Variants in FAM174B observed in about 807,000 individuals in gnomAD.
FAM174B encodes membrane protein FAM174B.
FAM174B carries 12 observed loss-of-function variants against 10.9 expected under a neutral mutation model. That is an observed-to-expected ratio of 1.10 (90% CI 0.71 to 1.79). The LOEUF is 1.79. Among genes scored for constraint, FAM174B ranks in the 40% most tolerant of loss-of-function variants. The pLI, the probability that FAM174B is intolerant of heterozygous loss-of-function variation, is 0.00. For synonymous variants in FAM174B, 132 were observed against 115.8 expected, an observed-to-expected ratio of 1.14 and a Z score of -0.90; for missense variants, 266 against 233.3, an observed-to-expected ratio of 1.14 and a Z score of -0.91.
chr15:92,619,697 A>G (rs935323121), intron 2 of FAM174B: 11 of 586,034 alleles, frequency 1.9e-5, no homozygotes, highest in Admixed American at 3.0e-5. Flanking sequence ...CAGACTCCCT[A>G]GAACACAACC....
intron 1 of FAM174B, among the ~76,000 whole-genome samples, chr15:92,654,798 AAAAG>A (rs574172811): frequency 0.011 from 1,663 of 149,866 alleles, 32 homozygotes; most frequent in African/African-American, 0.04. Flanking sequence ...AAAAAAAAAA[AAAAG>A]AAGAAGAAGA....
At position 92,627,181 on chromosome 15, in the gene FAM174B, C is replaced by G. The variant is rs2050758843; in HGVS notation, c.476+3033G>C. On this transcript the variant is annotated intron_variant, in intron 2 of 2. Transcript: ENST00000327355. Reference sequence around the variant, plus strand: ...AAATGACCCAGAGCGTGCCCGGAGACCAGGTGTCTCACTAACTTTTGCCCT... The same window carrying G: ...AAATGACCCAGAGCGTGCCCGGAGAGCAGGTGTCTCACTAACTTTTGCCCT... 2.6e-5 allele frequency: 4 copies of G among 152,692 alleles called. No homozygotes were observed. In the South Asian group the frequency reaches 8.3e-4, roughly 32 times the overall value. 9.5% of individuals were successfully genotyped at this position (152,692 alleles called of 1,614,324 possible).
At chr15:92,629,676 G>A (rs2050777797) in intron 2 of FAM174B, among the ~76,000 whole-genome samples, 1 of 152,118 alleles carries the variant, frequency 6.6e-6, no homozygotes, top group Admixed American at 6.5e-5. Context: ...TGGGTTTCTG[G>A]GTGCAGTGTG....
intron 2 of FAM174B, among the ~76,000 whole-genome samples, chr15:92,625,309 T>A (rs2050746093): frequency 6.6e-6 from 1 of 152,328 alleles, no homozygotes; most frequent in South Asian, 2.1e-4. Context: ...ACCAGAGAGT[T>A]ACCTGGGAAA....
chr15:92,617,517 T>C lies in FAM174B; in HGVS notation c.*1939A>G. 7.9e-6 allele frequency: 4 copies of C among 506,004 alleles called. No homozygotes were observed. The highest frequency in any genetic ancestry group is 1.4e-5 in the Non-Finnish European group (4 of 289,400). The allele number at this position is 506,004 out of a possible 1,614,324, so 31.3% of individuals were successfully genotyped here. On this transcript the variant is annotated 3_prime_UTR_variant, in exon 3 of 3. Coordinates refer to ENST00000327355, the MANE Select transcript of FAM174B (RefSeq NM_207446.3). Reference sequence around the variant, plus strand: ...TGCCACCAAGGATTTGGAAGGTCACTTTCAGCAGCCGCCATTTCTGCCAGG... The same window carrying C: ...TGCCACCAAGGATTTGGAAGGTCACCTTCAGCAGCCGCCATTTCTGCCAGG...
chr15:92,631,400 T>TAA (rs1224800326), intron 1 of FAM174B, among the ~76,000 whole-genome samples: 1 of 31,460 alleles, frequency 3.2e-5, no homozygotes, highest in Non-Finnish European at 5.1e-5. Context: ...ATATATTATA[T>TAA]TATATTATAT....
chr15:92,637,953 G>A (rs1207201807), intron 1 of FAM174B, among the ~76,000 whole-genome samples: 14 of 152,300 alleles, frequency 9.2e-5, no homozygotes, highest in East Asian at 3.9e-4. Context: ...GTGCCCCCAC[G>A]TCCAGAGCCT....
intron 2 of FAM174B, among the ~76,000 whole-genome samples, chr15:92,628,236 C>T (rs2050766591): frequency 6.6e-6 from 1 of 151,452 alleles, no homozygotes; most frequent in Admixed American, 6.6e-5. Flanking sequence ...ATGTTCATGG[C>T]TCACTGCAGC....
chr15:92,654,787 C>CAAA (rs5814547), intron 1 of FAM174B, among the ~76,000 whole-genome samples: 71 of 137,038 alleles, frequency 5.2e-4, no homozygotes, highest in Middle Eastern at 7.2e-3. Context: ...CTTTCAGTAG[C>CAAA]AAAAAAAAAA....
chr15:92,631,165 TA>T (rs1164990111), intron 1 of FAM174B, among the ~76,000 whole-genome samples: 2 of 35,978 alleles, frequency 5.6e-5, no homozygotes, highest in African/African-American at 1.5e-4. Context: ...ATATATTATA[TA>T]ATAATTTATA....
At chr15:92,635,420 T>A (rs888895776) in intron 1 of FAM174B, among the ~76,000 whole-genome samples, 1 of 152,094 alleles carries the variant, frequency 6.6e-6, no homozygotes, top group Non-Finnish European at 1.5e-5. Flanking sequence ...CTGAGAAGTT[T>A]AAAGACATCG....
In FAM174B at chr15:92,617,570, G is replaced by C. The variant is rs959250713; in HGVS notation, c.*1886C>G. 1.8e-6 allele frequency: 1 copy of C among 556,296 alleles called. No homozygotes were observed. Among genetic ancestry groups the C allele is most frequent in the African/African-American group, 2.0e-5 (1 of 50,456 alleles). 34.5% of individuals were successfully genotyped at this position (556,296 alleles called of 1,614,324 possible). On this transcript the variant is annotated 3_prime_UTR_variant, in exon 3 of 3. Coordinates refer to ENST00000327355, the MANE Select transcript of FAM174B (RefSeq NM_207446.3). The stretch of plus-strand genomic sequence containing the variant: ...CAGTGGCAAGCACCTGGCAGATGGA[G>C]CCCGGGTGTTTCTGCGTAAGGCAGA...
intron 1 of FAM174B, among the ~76,000 whole-genome samples, chr15:92,633,772 CCA>C (rs933696560): frequency 3.9e-5 from 6 of 152,240 alleles, no homozygotes; most frequent in Non-Finnish European, 8.8e-5. Flanking sequence ...ACAGTTGGAT[CCA>C]CATTCTCTCC....
At chr15:92,642,655 G>C (rs1441592669) in intron 1 of FAM174B, among the ~76,000 whole-genome samples, 2 of 152,114 alleles carry the variant, frequency 1.3e-5, no homozygotes, top group Non-Finnish European at 2.9e-5. Context: ...TTCCTCTTCC[G>C]CCATGATTAT....
At position 92,621,579 on chromosome 15, in the gene FAM174B, C is replaced by T. The variant is rs182556682; in HGVS notation, c.477-2120G>A. On this transcript the variant is annotated intron_variant, in intron 2 of 2. Transcript: ENST00000327355. ...TGAGCCAATATCTTGCCACTGCACT[C>T]CAGCCTGGGTGACAGAGCAAGATCG... Among the ~76,000 whole-genome samples, 258 of 150,824 alleles carry T rather than the reference C, an allele frequency of 1.7e-3. 4 individuals are homozygous for T. The highest frequency in any genetic ancestry group is 6.0e-3 in the African/African-American group (245 of 40,938).
At chr15:92,636,706 G>A (rs553878120) in intron 1 of FAM174B, among the ~76,000 whole-genome samples, 2 of 152,166 alleles carry the variant, frequency 1.3e-5, no homozygotes, top group Non-Finnish European at 2.9e-5. Context: ...TATGACCCCT[G>A]AGAGGGCCAG....
chr15:92,634,329 C>A (rs1474990641), intron 1 of FAM174B: 1 of 152,196 alleles, frequency 6.6e-6, no homozygotes, highest in Non-Finnish European at 1.5e-5. Flanking sequence ...GAACTTGATG[C>A]CTCGTGTAGT....
chr15:92,633,616 C>T (rs1445026832), intron 1 of FAM174B, among the ~76,000 whole-genome samples: 1 of 152,090 alleles, frequency 6.6e-6, no homozygotes, highest in Non-Finnish European at 1.5e-5. Flanking sequence ...GGATTCTGAA[C>T]ACAGGATAAA....
At chr15:92,634,644 A>T (rs2050841431) in intron 1 of FAM174B, 1 of 152,180 alleles carries the variant, frequency 6.6e-6, no homozygotes, top group Non-Finnish European at 1.5e-5. Context: ...GGAAATAAAA[A>T]ATCCCAAGAT....
Sources: gnomAD v4.1 joint callset for allele counts (sites outside exome capture counted in the v4.1 genomes callset) on GRCh38, gnomAD v4.1.1 for gene constraint, MANE v1.5 for transcripts, NCBI Gene and HGNC (gene_info 2026-07-23, HGNC 2026-07-21) for gene names.